The following TDRD3 variants were observed in gnomAD, a reference collection of about 807,000 sequenced individuals.
The protein encoded by TDRD3 is tudor domain-containing protein 3.
TDRD3 carries 45 observed loss-of-function variants against 86.7 expected under a neutral mutation model. The observed-to-expected ratio is 0.52, with a 90% CI of 0.41 to 0.67. The LOEUF (loss-of-function observed/expected upper bound fraction) is 0.67, where lower values mean the gene tolerates loss of function less well. TDRD3 is among the 30% of genes least tolerant of loss of function. TDRD3 has a pLI of 0.00. For synonymous variants in TDRD3, 298 were observed against 301.7 expected, an observed-to-expected ratio of 0.99 and a Z score of 0.13; for missense variants, 814 against 889.0, an observed-to-expected ratio of 0.92 and a Z score of 1.07.
intron 1 of TDRD3, among the ~76,000 whole-genome samples, chr13:60,428,568 A>T (rs1394449112): frequency 6.6e-6 from 1 of 152,206 alleles, no homozygotes; most frequent in Non-Finnish European, 1.5e-5. Flanking sequence ...ACAATAGTGC[A>T]GTGGGGGTAC....
intron 1 of TDRD3, among the ~76,000 whole-genome samples, chr13:60,398,278 GAGAA>G (rs1207196070): frequency 1.3e-5 from 2 of 152,132 alleles, no homozygotes; most frequent in Admixed American, 1.3e-4. Flanking sequence ...ACTGCTTTAG[GAGAA>G]AGAGTGAGGC....
At chr13:60,520,328 G>A (rs1957262640) in intron 10 of TDRD3, among the ~76,000 whole-genome samples, 1 of 152,088 alleles carries the variant, frequency 6.6e-6, no homozygotes, top group African/African-American at 2.4e-5. Flanking sequence ...TCAACTTTAT[G>A]ATATTGGAAT....
intron 1 of TDRD3, among the ~76,000 whole-genome samples, chr13:60,408,288 C>T (rs1440882026): frequency 2.0e-5 from 3 of 152,156 alleles, no homozygotes; most frequent in Non-Finnish European, 4.4e-5. Flanking sequence ...ATGTCTTTAT[C>T]AGCAGCATGA....
chr13:60,466,483 T>C (rs1331576821), intron 4 of TDRD3, among the ~76,000 whole-genome samples: 2 of 152,080 alleles, frequency 1.3e-5, no homozygotes, highest in Non-Finnish European at 2.9e-5. Flanking sequence ...TTCTTTGTCA[T>C]TGAGATAGAA....
chr13:60,482,448 G>C (rs980339388), intron 5 of TDRD3, among the ~76,000 whole-genome samples: 1 of 152,000 alleles, frequency 6.6e-6, no homozygotes, highest in Admixed American at 6.6e-5. Flanking sequence ...AGTAAGTATT[G>C]CTCATGTGCC....
intron 4 of TDRD3, among the ~76,000 whole-genome samples, chr13:60,463,111 A>G (rs1194854542): frequency 6.6e-6 from 1 of 152,116 alleles, no homozygotes; most frequent in Non-Finnish European, 1.5e-5. Context: ...ATCAACCTAA[A>G]TGTGGCTGGG....
At chr13:60,437,446 G>A (rs1955148449) in intron 1 of TDRD3, among the ~76,000 whole-genome samples, 1 of 151,902 alleles carries the variant, frequency 6.6e-6, no homozygotes, top group Non-Finnish European at 1.5e-5. Flanking sequence ...TGTTATAATG[G>A]AAAGAGTGCT....
chr13:60,467,440 A>C, intron 5 of TDRD3, 61 bp downstream of exon 5: 1 of 1,569,210 alleles, frequency 6.4e-7, no homozygotes, highest in Non-Finnish European at 8.6e-7. Context: ...TGCATTAAAG[A>C]GCTCTTTCAA....
intron 5 of TDRD3, among the ~76,000 whole-genome samples, chr13:60,476,174 T>C (rs146865373): frequency 6.6e-6 from 1 of 152,322 alleles, no homozygotes; most frequent in Non-Finnish European, 1.5e-5. Context: ...TTGTTTTAGA[T>C]GTTACATTAA....
intron 12 of TDRD3, among the ~76,000 whole-genome samples, chr13:60,548,137 T>A (rs1170519526): frequency 6.6e-6 from 1 of 151,916 alleles, no homozygotes; most frequent in Non-Finnish European, 1.5e-5. Context: ...ACCTGAGGAG[T>A]ATAGTAGAGG....
intron 3 of TDRD3, among the ~76,000 whole-genome samples, chr13:60,449,719 T>A (rs1955491850): frequency 6.6e-6 from 1 of 152,112 alleles, no homozygotes; most frequent in African/African-American, 2.4e-5. Flanking sequence ...ATTAAATGTT[T>A]TAAAAATTCC....
intron 8 of TDRD3, among the ~76,000 whole-genome samples, chr13:60,502,662 C>G (rs1442907084): frequency 6.6e-6 from 1 of 151,960 alleles, no homozygotes; most frequent in Non-Finnish European, 1.5e-5. Flanking sequence ...CTCTAAAGGC[C>G]CCAGGATAAA....
intron 2 of TDRD3, among the ~76,000 whole-genome samples, chr13:60,441,784 A>T (rs906333573): frequency 2.0e-5 from 3 of 152,118 alleles, no homozygotes; most frequent in Non-Finnish European, 2.9e-5. Flanking sequence ...TTGTTCCTTT[A>T]TCTGACAATG....
chr13:60,519,228 A>G (rs1464360355), intron 10 of TDRD3, among the ~76,000 whole-genome samples: 2 of 152,094 alleles, frequency 1.3e-5, no homozygotes, highest in Non-Finnish European at 2.9e-5. Context: ...ATAATGTGTC[A>G]TTTATTGAGC....
chr13:60,555,348 A>T (rs996012116), intron 12 of TDRD3, among the ~76,000 whole-genome samples: 6 of 152,230 alleles, frequency 3.9e-5, no homozygotes, highest in African/African-American at 1.4e-4. Flanking sequence ...TTACCATTGG[A>T]ATGCTTATTG....
chr13:60,513,340 T>C (rs1472986987), intron 10 of TDRD3, among the ~76,000 whole-genome samples: 1 of 152,242 alleles, frequency 6.6e-6, no homozygotes, highest in African/African-American at 2.4e-5. Flanking sequence ...AGGGGTTCCA[T>C]GAAGACCTCT....
intron 8 of TDRD3, chr13:60,509,493 C>T: frequency 3.0e-6 from 1 of 332,910 alleles, no homozygotes; most frequent in Non-Finnish European, 5.6e-6. Context: ...TTTCAAAGGC[C>T]ATACTCTAAC....
intron 10 of TDRD3, among the ~76,000 whole-genome samples, chr13:60,518,032 T>G (rs948764143): frequency 6.6e-6 from 1 of 152,220 alleles, no homozygotes; most frequent in Non-Finnish European, 1.5e-5. Flanking sequence ...GACATTGCAG[T>G]CTCTGGATTT....
At chr13:60,572,211 C>T (rs1048060022) in intron 13 of TDRD3, among the ~76,000 whole-genome samples, 16 of 151,972 alleles carry the variant, frequency 1.1e-4, no homozygotes, top group Non-Finnish European at 2.4e-4. Flanking sequence ...AAAGTTTAAA[C>T]GAGGGAAGCA....
Sources: allele counts gnomAD v4.1 joint callset (sites outside exome capture counted in the v4.1 genomes callset), GRCh38; gene constraint gnomAD v4.1.1; transcripts MANE v1.5; gene names NCBI Gene and HGNC (gene_info 2026-07-23, HGNC 2026-07-21).